The following CRYBG1 variants were observed in gnomAD, a reference collection of about 807,000 sequenced individuals.
The protein encoded by CRYBG1 is crystallin beta-gamma domain containing 1, also known as beta/gamma crystallin domain-containing protein 1.
In CRYBG1, 139 loss-of-function variants were observed where a neutral mutation model predicts 189.2. The observed-to-expected ratio is 0.73, with a 90% CI of 0.64 to 0.85. The LOEUF is 0.85. CRYBG1 is among the 40% of genes least tolerant of loss of function. The pLI, the probability that CRYBG1 is intolerant of heterozygous loss-of-function variation, is 0.00. For synonymous variants in CRYBG1, 1,023 were observed against 1,017.1 expected (o/e 1.01, Z -0.11); for missense variants, 2,611 against 2,675.8 (o/e 0.98, Z 0.53).
Position 106,511,549 on chromosome 6 carries a change from A to C in CRYBG1, c.432A>C (p.Ser144=). 6.5e-7 allele frequency: 1 copy of C among 1,535,612 alleles called. No homozygotes were observed. Among genetic ancestry groups the C allele is most frequent in the Non-Finnish European group, 8.7e-7 (1 of 1,146,618 alleles). ...SRNGLESPTR[S]NAKPLSPKDV... ...ACGGGTTAGAGAGTCCCACCAGATC[A>C]AATGCCAAACCACTCTCTCCCAAAG... The change falls in exon 3 of 22, where the codon TCA becomes TCC. Residue 144 remains serine (S), a synonymous_variant. Coordinates refer to ENST00000633556, the MANE Select transcript of CRYBG1 (RefSeq NM_001371242.2).
chr6:106,407,909 C>A (rs1042276280), intron 1 of CRYBG1, among the ~76,000 whole-genome samples: 1 of 152,088 alleles, frequency 6.6e-6, no homozygotes, highest in African/African-American at 2.4e-5. Flanking sequence ...TAAATGCCCA[C>A]AAGAGAAAGC....
intron 16 of CRYBG1, among the ~76,000 whole-genome samples, chr6:106,555,379 T>G (rs1443298217): frequency 6.6e-6 from 1 of 151,936 alleles, no homozygotes; most frequent in Non-Finnish European, 1.5e-5. Context: ...AGGAAATCAA[T>G]AGACCAAATC....
At position 106,360,879 on chromosome 6, in the gene CRYBG1, C is replaced by G; in HGVS notation, c.-30C>G. 6.6e-7 allele frequency: 1 copy of G among 1,510,586 alleles called. No individual in the cohort carries two copies. The highest frequency in any genetic ancestry group is 2.5e-5 in the East Asian group (1 of 39,596). The allele number at this position is 1,510,586 out of a possible 1,614,324, so 93.6% of individuals were successfully genotyped here. A position where few individuals can be genotyped will look rare whatever the true frequency, so the allele number is the denominator to read the frequency against. On this transcript the variant is annotated 5_prime_UTR_variant, in exon 1 of 22. Coordinates refer to ENST00000633556, the MANE Select transcript of CRYBG1 (RefSeq NM_001371242.2). The stretch of plus-strand genomic sequence containing the variant: ...CCGGGCGGCAGAGAGGACCGCGTCC[C>G]GGCAGTCGGAGCGGGAGGAGGACAA...
chr6:106,384,343 G>A (rs896447187), intron 1 of CRYBG1, among the ~76,000 whole-genome samples: 2 of 152,088 alleles, frequency 1.3e-5, no homozygotes, highest in Admixed American at 6.6e-5. Flanking sequence ...GACGGGGACG[G>A]GGATGGTTTC....
rs1198012850 is a variant in CRYBG1, at chr6:106,511,996, G to C, written c.879G>C (p.Val293=). ...ACGAACAGGAGGCTTTCCTGGGTGT[G>C]AGGGGTGCGCCAGGGTCGCCCACCC... ...AGHEQEAFLG[V]RGAPGSPTQE... is the part of the protein sequence containing the mutation. Residue 293 remains valine (V), a synonymous_variant, in exon 3 of 22, where the codon GTG becomes GTC. Transcript: ENST00000633556. 1 of 1,530,878 alleles carries C rather than the reference G, an allele frequency of 6.5e-7. No homozygotes were observed. The highest frequency in any genetic ancestry group is 8.7e-7 in the Non-Finnish European group (1 of 1,144,090). The allele number at this position is 1,530,878 out of a possible 1,614,324, so 94.8% of individuals were successfully genotyped here. A position where few individuals can be genotyped will look rare whatever the true frequency, so the allele number is the denominator to read the frequency against.
intron 2 of CRYBG1, among the ~76,000 whole-genome samples, chr6:106,479,961 T>C (rs1582786370): frequency 6.6e-6 from 1 of 152,194 alleles, no homozygotes; most frequent in African/African-American, 2.4e-5. Flanking sequence ...GGTTGTACTT[T>C]AGGTGTCATA....
At chr6:106,562,313 G>A (rs1018346616) in intron 20 of CRYBG1, among the ~76,000 whole-genome samples, 10 of 152,118 alleles carry the variant, frequency 6.6e-5, no homozygotes, top group African/African-American at 2.2e-4. Context: ...TTGTAATATG[G>A]AATCATGAAA....
rs927972873 is a variant in CRYBG1, at chr6:106,511,826, C to T, written c.709C>T (p.Pro237Ser). ...CHENDSPQLE[P>S]LEAEGEPFPD... Reference sequence around the variant, plus strand: ...TGAAAATGATTCACCCCAATTAGAACCTCTGGAGGCAGAGGGAGAGCCTTT... The same window carrying T: ...TGAAAATGATTCACCCCAATTAGAATCTCTGGAGGCAGAGGGAGAGCCTTT... The change falls in exon 3 of 22, where the codon CCT becomes TCT. Residue 237 changes from proline (P) to serine (S), a missense_variant. Physicochemically the swap from Pro to Ser is moderately conservative, Grantham distance 74. Transcript: ENST00000633556. The T allele has an allele frequency of 2.8e-5, 43 of 1,518,514 alleles. No individual in the cohort carries two copies. The highest frequency in any genetic ancestry group is 3.6e-5 in the Non-Finnish European group (41 of 1,135,790). The allele number at this position is 1,518,514 out of a possible 1,614,324, so 94.1% of individuals were successfully genotyped here.
chr6:106,446,902 C>T (rs1184384279), intron 1 of CRYBG1, among the ~76,000 whole-genome samples: 1 of 152,140 alleles, frequency 6.6e-6, no homozygotes, highest in Non-Finnish European at 1.5e-5. Context: ...AACTTAATCT[C>T]CAGGGAGAGG....
intron 2 of CRYBG1, among the ~76,000 whole-genome samples, chr6:106,494,585 A>G (rs1772801482): frequency 6.6e-6 from 1 of 152,206 alleles, no homozygotes; most frequent in Admixed American, 6.5e-5. Context: ...TAGTAGTGTC[A>G]TTATTTTGTG....
At chr6:106,375,421 GTAAATAAA>G (rs534278338) in intron 1 of CRYBG1, among the ~76,000 whole-genome samples, 26 of 125,390 alleles carry the variant, frequency 2.1e-4, no homozygotes, top group African/African-American at 7.0e-4. Flanking sequence ...AAGTAAGTAA[GTAAATAAA>G]TAAATAAATA....
intron 4 of CRYBG1, among the ~76,000 whole-genome samples, chr6:106,522,549 T>C (rs1773634077): frequency 6.6e-6 from 1 of 152,202 alleles, no homozygotes; most frequent in Admixed American, 6.5e-5. Flanking sequence ...ACCAAGCTTA[T>C]TTAAGGTGAG....
intron 2 of CRYBG1, among the ~76,000 whole-genome samples, chr6:106,475,362 G>A (rs776876563): frequency 2.6e-5 from 4 of 152,316 alleles, no homozygotes; most frequent in Middle Eastern, 3.4e-3. Flanking sequence ...AAACAGAACA[G>A]CAAATATGAA....
chr6:106,562,984 T>C (rs1400754995), intron 20 of CRYBG1, among the ~76,000 whole-genome samples: 2 of 152,152 alleles, frequency 1.3e-5, no homozygotes, highest in Non-Finnish European at 1.5e-5. Context: ...CATGCCACTA[T>C]ACCTGGCTAA....
chr6:106,449,735 A>T (rs113487107), intron 1 of CRYBG1, among the ~76,000 whole-genome samples: 2,997 of 152,300 alleles, frequency 0.02, 112 homozygotes, highest in African/African-American at 0.069. Flanking sequence ...ACTGTATTTA[A>T]ATTCCTAAGA....
chr6:106,505,359 G>A (rs1467851995), intron 2 of CRYBG1, among the ~76,000 whole-genome samples: 1 of 152,110 alleles, frequency 6.6e-6, no homozygotes, highest in Admixed American at 6.6e-5. Context: ...TTCCCAAAGT[G>A]CTGGAATTAC....
At chr6:106,480,042 G>A (rs1389655107) in intron 2 of CRYBG1, among the ~76,000 whole-genome samples, 1 of 151,916 alleles carries the variant, frequency 6.6e-6, no homozygotes, top group Non-Finnish European at 1.5e-5. Flanking sequence ...TATAGTTTTA[G>A]CTCCTCCATT....
chr6:106,494,166 T>C (rs888973366), intron 2 of CRYBG1, among the ~76,000 whole-genome samples: 2 of 151,128 alleles, frequency 1.3e-5, no homozygotes, highest in African/African-American at 4.9e-5. Context: ...ACGAGATACC[T>C]AAAGTAGTCA....
chr6:106,440,327 T>G (rs1771544659), intron 1 of CRYBG1, among the ~76,000 whole-genome samples: 1 of 151,772 alleles, frequency 6.6e-6, no homozygotes, highest in African/African-American at 2.4e-5. Context: ...TGCAGTGGCA[T>G]GATCTTGGCT....
Sources: allele counts gnomAD v4.1 joint callset (sites outside exome capture counted in the v4.1 genomes callset), GRCh38; gene constraint gnomAD v4.1.1; transcripts MANE v1.5; gene names NCBI Gene and HGNC (gene_info 2026-07-23, HGNC 2026-07-21).